ZNF789: variants seen among roughly 807,000 people sequenced by gnomAD.
ZNF789 encodes the protein zinc finger protein 789.
In ZNF789, 11 loss-of-function variants were observed where a neutral mutation model predicts 15.6. The observed-to-expected ratio is 0.70, with a 90% CI of 0.44 to 1.16. ZNF789 has a LOEUF of 1.16. ZNF789 is among the 50% of genes most tolerant of loss of function. The pLI, the probability that ZNF789 is intolerant of heterozygous loss-of-function variation, is 0.00. For missense variants in ZNF789, 461 were observed against 512.6 expected (o/e 0.90, Z 0.97); for synonymous variants, 159 against 176.0 (o/e 0.90, Z 0.76).
At chr7:99,483,969 C>T (rs1307297781) in intron 3 of ZNF789, 61 bp from the exon 4 acceptor site, 3 of 1,349,672 alleles carry the variant, frequency 2.2e-6, no homozygotes, top group Non-Finnish European at 3.2e-6. Context: ...TGCCACTGAG[C>T]CCCGGGCCAT....
chr7:99,475,259 C>T (rs894131368), intron 1 of ZNF789, among the ~76,000 whole-genome samples: 2 of 151,732 alleles, frequency 1.3e-5, no homozygotes, highest in Non-Finnish European at 2.9e-5. Context: ...CTGGGCATGG[C>T]GGCGGGTGCC....
In ZNF789 at chr7:99,476,497, C is replaced by G. The variant is rs373312717; in HGVS notation, c.24+17C>G. 6.8e-5 allele frequency: 109 copies of G among 1,611,126 alleles called. 1 individual carries two copies. In the Admixed American group the frequency reaches 1.4e-3, roughly 20 times the overall value. ...AGGGGGAAGGTGAGCTGTGCCTCCC[C>G]CTCTGCTTCATCAGCATAGTCACTG... On this transcript the variant is annotated intron_variant, in intron 2 of 4. Transcript: ENST00000331410.
At chr7:99,479,857 C>T (rs754185751) in intron 3 of ZNF789, 70 bp downstream of exon 3, 15 of 1,475,056 alleles carry the variant, frequency 1.0e-5, no homozygotes, top group African/African-American at 1.0e-4. Flanking sequence ...AGTCCCTTAT[C>T]TGCAATTCCA....
At chr7:99,480,005 G>A in intron 3 of ZNF789, 3 of 570,456 alleles carry the variant, frequency 5.3e-6, no homozygotes, top group East Asian at 3.2e-5. Context: ...CCAACTTGGT[G>A]TGCATATCTG....
chr7:99,476,398 TCCAG>T lies in ZNF789; in HGVS notation c.-54-3_-54del. On this transcript the variant is annotated splice_acceptor_variant and splice_polypyrimidine_tract_variant and intron_variant, in intron 1 of 4. Coordinates refer to ENST00000331410, the MANE Select transcript of ZNF789 (RefSeq NM_213603.3). LOFTEE classifies it low-confidence loss of function (5UTR_SPLICE). Reference sequence around the variant, plus strand: ...CTGGCCTTACTGACTTTTTTTCTTCTCCAGCTCAGCCAGACGTCCAGGATCCCAC... The same window carrying T: ...CTGGCCTTACTGACTTTTTTTCTTCTCTCAGCCAGACGTCCAGGATCCCAC... The T allele has an allele frequency of 1.3e-6, 2 of 1,591,106 alleles. No individual in the cohort carries two copies. Among genetic ancestry groups the T allele is most frequent in the African/African-American group, 1.4e-5 (1 of 73,732 alleles).
At chr7:99,473,911 C>T (rs1375101545) in intron 1 of ZNF789, among the ~76,000 whole-genome samples, 1 of 152,228 alleles carries the variant, frequency 6.6e-6, no homozygotes, top group Non-Finnish European at 1.5e-5. Flanking sequence ...TGAGCCACCA[C>T]GCCCGGCCTG....
At chr7:99,476,337 C>A in intron 1 of ZNF789, 66 bp from the exon 2 acceptor site, 2 of 1,151,036 alleles carry the variant, frequency 1.7e-6, no homozygotes, top group Non-Finnish European at 2.4e-6. Context: ...AATTCCGGGT[C>A]CCAGATCTGC....
chr7:99,478,642 G>A, intron 2 of ZNF789: 1 of 340,240 alleles, frequency 2.9e-6, no homozygotes, highest in Non-Finnish European at 5.9e-6. Context: ...GGGCTGCAGT[G>A]GTGTGGGAGG....
At chr7:99,474,369 A>T (rs558001148) in intron 1 of ZNF789, among the ~76,000 whole-genome samples, 1 of 152,024 alleles carries the variant, frequency 6.6e-6, no homozygotes, top group Non-Finnish European at 1.5e-5. Context: ...CCAAGGCGGG[A>T]GGATCACGAG....
rs1800028297 is a variant in ZNF789 at position 99,487,406 on chromosome 7, G to A, written c.1196G>A (p.Cys399Tyr). ...CACACTGGAAGCCAACCCTACCAAT[G>A]TGTCATATGTGGAAAATCTTTCAAG... ...VIHTGSQPYQ[C>Y]VICGKSFKWH... The change falls in exon 5 of 5, where the codon TGT (cysteine) becomes TAT (tyrosine). Residue 399 changes from cysteine to tyrosine, a missense_variant. Transcript: ENST00000331410. 3.1e-6 allele frequency: 5 copies of A among 1,614,092 alleles called. No individual in the cohort carries two copies. The highest frequency in any genetic ancestry group is 3.4e-6 in the Non-Finnish European group (4 of 1,180,052).
chr7:99,474,111 G>T (rs999661368), intron 1 of ZNF789, among the ~76,000 whole-genome samples: 2 of 152,196 alleles, frequency 1.3e-5, no homozygotes, highest in African/African-American at 4.8e-5. Flanking sequence ...TTTTTCATTA[G>T]CAAGTCTGAC....
rs148541780 is a variant in ZNF789, at chr7:99,484,298, C to T, written c.265+155C>T. ...CTGCCCTGTGAAGTGGGAGGAAGATCGGCGTCCCCATTTCCCAGATGAAGA... is the reference window on the plus strand; with the variant it reads ...CTGCCCTGTGAAGTGGGAGGAAGATTGGCGTCCCCATTTCCCAGATGAAGA... On this transcript the variant is annotated intron_variant, in intron 4 of 4. Transcript: ENST00000331410. Among the ~76,000 whole-genome samples, 321 of 152,270 alleles carry T rather than the reference C, an allele frequency of 2.1e-3. 2 individuals are homozygous for T. The highest frequency in any genetic ancestry group is 3.6e-3 in the Admixed American group (55 of 15,274).
Position 99,487,346 on chromosome 7 carries a change from G to A in ZNF789, c.1136G>A (p.Ser379Asn), listed in dbSNP as rs1800022727. The A allele has an allele frequency of 6.2e-6, 10 of 1,614,108 alleles. No individual in the cohort carries two copies. The highest frequency in any genetic ancestry group is 7.6e-6 in the Non-Finnish European group (9 of 1,180,048). ...FQCGECGKTF[S>N]FKRNLFRHQV... is the part of the protein sequence containing the mutation. ...TGTGGAGAATGTGGGAAAACGTTTA[G>A]TTTTAAGAGGAATCTTTTTCGACAT... The change falls in exon 5 of 5, where the codon AGT becomes AAT. Residue 379 changes from serine (S) to asparagine (N), a missense_variant. Transcript: ENST00000331410.
chr7:99,478,255 G>C (rs1584555935), intron 2 of ZNF789: 1 of 1,283,836 alleles, frequency 7.8e-7, no homozygotes, highest in African/African-American at 1.5e-5. Flanking sequence ...TTATTCCCAT[G>C]CTTGTTAACC....
intron 3 of ZNF789, 31 bp from the exon 4 acceptor site, chr7:99,483,999 G>A (rs766517335): frequency 3.2e-5 from 51 of 1,587,054 alleles, no homozygotes; most frequent in East Asian, 2.7e-4. Context: ...ACTCACTAAC[G>A]GCCACATCCC....
chr7:99,482,569 G>A (rs1799699525), intron 3 of ZNF789, among the ~76,000 whole-genome samples: 2 of 152,052 alleles, frequency 1.3e-5, no homozygotes, highest in South Asian at 4.1e-4. Flanking sequence ...CAAAATTTGG[G>A]GTCAGGCATG....
chr7:99,475,356 T>C (rs1262474115), intron 1 of ZNF789, among the ~76,000 whole-genome samples: 2 of 151,672 alleles, frequency 1.3e-5, no homozygotes, highest in African/African-American at 4.8e-5. Context: ...GATCACACCA[T>C]TGTACTCCAG....
At chr7:99,481,874 C>A (rs906858727) in intron 3 of ZNF789, 6 of 376,028 alleles carry the variant, frequency 1.6e-5, no homozygotes, top group South Asian at 1.5e-4. Context: ...TAATAAAAAT[C>A]ACCTGCAGGC....
At chr7:99,478,663 C>G (rs1799457951) in intron 2 of ZNF789, 1 of 333,252 alleles carries the variant, frequency 3.0e-6, no homozygotes, top group Admixed American at 3.9e-5. Flanking sequence ...GAGAGTGTGG[C>G]AGCTTCAGTG....
Sources: gnomAD v4.1 joint callset for allele counts (sites outside exome capture counted in the v4.1 genomes callset) on GRCh38, gnomAD v4.1.1 for gene constraint, MANE v1.5 for transcripts, NCBI Gene and HGNC (gene_info 2026-07-23, HGNC 2026-07-21) for gene names.